SLC9A4: variants seen among roughly 807,000 people sequenced by gnomAD.
The protein encoded by SLC9A4 is sodium/hydrogen exchanger 4.
Under a neutral mutation model 67.4 loss-of-function variants are expected in SLC9A4, and 63 were observed. The ratio of observed to expected loss-of-function variants is 0.93; its 90% confidence interval spans 0.76 to 1.15. The LOEUF is 1.15. SLC9A4 is among the 50% of genes most tolerant of loss of function. The pLI is 0.00. For missense variants in SLC9A4, 1,089 were observed against 987.7 expected, an observed-to-expected ratio of 1.10 and a Z score of -1.38; for synonymous variants, 393 against 367.2, an observed-to-expected ratio of 1.07 and a Z score of -0.80.
intron 1 of SLC9A4, among the ~76,000 whole-genome samples, chr2:102,477,378 T>C (rs772144541): frequency 6.6e-6 from 1 of 152,218 alleles, no homozygotes; most frequent in African/African-American, 2.4e-5. Context: ...ATCTGTTCAA[T>C]CTCTTGTCAT....
chr2:102,484,718 T>C (rs1684548520), intron 2 of SLC9A4, among the ~76,000 whole-genome samples: 1 of 152,196 alleles, frequency 6.6e-6, no homozygotes, highest in Non-Finnish European at 1.5e-5. Context: ...AGCAACAAAG[T>C]GAGGCCACCA....
chr2:102,506,112 C>T (rs1207521829), intron 4 of SLC9A4, among the ~76,000 whole-genome samples: 1 of 152,184 alleles, frequency 6.6e-6, no homozygotes, highest in Non-Finnish European at 1.5e-5. Flanking sequence ...GTAAGAACAA[C>T]TTTAGAGTGT....
rs199706064 is a variant in SLC9A4, at chr2:102,532,509, G to A, written c.2218G>A (p.Val740Ile). Residue 740 changes from valine (V) to isoleucine (I), a missense_variant, in exon 12 of 12, where the codon GTA (valine) becomes ATA (isoleucine). Transcript: ENST00000295269. Reference protein sequence around the residue: ...NTSQEEYLGGVRRVALRPKPL... With the variant: ...NTSQEEYLGGIRRVALRPKPL... ...AAGCCAAGAAGAGTACTTGGGTGGA[G>A]TAAGGAGGGTGGCCTTAAGACCCAA... 1.6e-4 allele frequency: 262 copies of A among 1,614,058 alleles called. 1 individual carries two copies. Among genetic ancestry groups the A allele is most frequent in the South Asian group, 2.4e-4 (22 of 91,078 alleles).
At chr2:102,514,314 A>G in intron 8 of SLC9A4, 63 bp downstream of exon 8, 1 of 1,200,442 alleles carries the variant, frequency 8.3e-7, no homozygotes. Flanking sequence ...GCGCTGACTC[A>G]TTGCCTCATT....
At chr2:102,484,744 C>T (rs951986970) in intron 2 of SLC9A4, among the ~76,000 whole-genome samples, 2 of 152,210 alleles carry the variant, frequency 1.3e-5, no homozygotes, top group South Asian at 4.1e-4. Context: ...TCTATCACCC[C>T]TAGCTCCTTA....
intron 7 of SLC9A4, 63 bp downstream of exon 7, chr2:102,512,336 T>G: frequency 2.6e-6 from 4 of 1,564,708 alleles, no homozygotes; most frequent in South Asian, 1.1e-5. Flanking sequence ...AAGCTGGGCA[T>G]AAAATCAGAG....
intron 3 of SLC9A4, 137 bp from the exon 4 acceptor site, chr2:102,505,117 C>A: frequency 1.3e-6 from 1 of 755,088 alleles, no homozygotes; most frequent in Non-Finnish European, 2.1e-6. Flanking sequence ...GGAAAATCTG[C>A]AGCCACAGAA....
chr2:102,482,437 T>G (rs925363162), intron 2 of SLC9A4, among the ~76,000 whole-genome samples: 5 of 152,178 alleles, frequency 3.3e-5, no homozygotes, highest in Non-Finnish European at 7.3e-5. Context: ...CTTATCCATC[T>G]CCCCAGACGA....
At chr2:102,480,622 C>T (rs143090865) in intron 2 of SLC9A4, among the ~76,000 whole-genome samples, 1 of 152,276 alleles carries the variant, frequency 6.6e-6, no homozygotes, top group African/African-American at 2.4e-5. Context: ...CTGCATGCCT[C>T]TCTCTTTGCA....
chr2:102,510,795 T>C (rs1240641775), intron 6 of SLC9A4, among the ~76,000 whole-genome samples: 1 of 152,084 alleles, frequency 6.6e-6, no homozygotes, highest in Admixed American at 6.6e-5. Flanking sequence ...GAGTGGCAGA[T>C]TTTAGTGAAA....
chr2:102,480,519 T>C (rs1684438219), intron 2 of SLC9A4, among the ~76,000 whole-genome samples: 1 of 152,198 alleles, frequency 6.6e-6, no homozygotes, highest in Non-Finnish European at 1.5e-5. Flanking sequence ...AGTAACTTAT[T>C]TAGCAGTTTC....
intron 2 of SLC9A4, among the ~76,000 whole-genome samples, chr2:102,491,987 T>C (rs1467613428): frequency 6.6e-6 from 1 of 152,208 alleles, no homozygotes; most frequent in Non-Finnish European, 1.5e-5. Flanking sequence ...AAGTCCAAAA[T>C]CCAGAAGGGC....
chr2:102,483,701 T>G (rs1684515286), intron 2 of SLC9A4, among the ~76,000 whole-genome samples: 1 of 151,094 alleles, frequency 6.6e-6, no homozygotes, highest in African/African-American at 2.4e-5. Context: ...CCCAGATAGC[T>G]TTAGTGTCCT....
At chr2:102,513,890 CT>C (rs1209857236) in intron 7 of SLC9A4, among the ~76,000 whole-genome samples, 199 bp from the exon 8 acceptor site, 4 of 151,566 alleles carry the variant, frequency 2.6e-5, no homozygotes, top group South Asian at 2.1e-4. Flanking sequence ...GTAGGCCATT[CT>C]TTTTTTTTAT....
At chr2:102,505,624 TTC>T in intron 4 of SLC9A4, 153 bp downstream of exon 4, 2 of 680,108 alleles carry the variant, frequency 2.9e-6, no homozygotes. Flanking sequence ...CAGGAATCTT[TTC>T]TGTTTGTTCC....
intron 4 of SLC9A4, among the ~76,000 whole-genome samples, chr2:102,506,708 G>C (rs1048695749): frequency 1.3e-5 from 2 of 152,120 alleles, no homozygotes; most frequent in African/African-American, 4.8e-5. Context: ...AATCTACAGG[G>C]GAGTAGAGCT....
chr2:102,502,650 T>G (rs543674489), intron 2 of SLC9A4, among the ~76,000 whole-genome samples: 1 of 151,852 alleles, frequency 6.6e-6, no homozygotes, highest in African/African-American at 2.4e-5. Context: ...CAGACTGGAG[T>G]TGGTCTGGAG....
chr2:102,481,676 T>C (rs1329210701), intron 2 of SLC9A4, among the ~76,000 whole-genome samples: 1 of 152,148 alleles, frequency 6.6e-6, no homozygotes, highest in Admixed American at 6.5e-5. Context: ...AGACCAAATA[T>C]TTTCTTCCAT....
intron 11 of SLC9A4, among the ~76,000 whole-genome samples, chr2:102,531,661 G>T (rs983221644): frequency 6.6e-6 from 1 of 152,180 alleles, no homozygotes; most frequent in Non-Finnish European, 1.5e-5. Flanking sequence ...CGAAAGGGCC[G>T]CTATGAGGAT....
Sources: gnomAD v4.1 joint callset for allele counts (sites outside exome capture counted in the v4.1 genomes callset) on GRCh38, gnomAD v4.1.1 for gene constraint, MANE v1.5 for transcripts, NCBI Gene and HGNC (gene_info 2026-07-23, HGNC 2026-07-21) for gene names.